NDST4: variants seen among roughly 807,000 people sequenced by gnomAD.
The protein encoded by NDST4 is N-deacetylase and N-sulfotransferase 4, also known as N-heparan sulfate sulfotransferase 4.
Under a neutral mutation model 100.8 loss-of-function variants are expected in NDST4, and 63 were observed. That is an observed-to-expected ratio of 0.62 (90% CI 0.51 to 0.77). NDST4 has a LOEUF of 0.77. Among genes scored for constraint, NDST4 ranks in the 30% least tolerant of loss-of-function variants. The pLI is 0.00. For missense variants in NDST4, 943 were observed against 1,018.4 expected (o/e 0.93, Z 1.01); for synonymous variants, 377 against 361.8 (o/e 1.04, Z -0.48).
Position 114,987,550 on chromosome 4 carries a change from C to G in NDST4, c.979-10276G>C, listed in dbSNP as rs77496204. 7.2e-3 allele frequency among the ~76,000 whole-genome samples: 1,093 copies of G among 152,174 alleles called. 11 individuals are homozygous for G. Among genetic ancestry groups the G allele is most frequent in the African/African-American group, 0.022 (931 of 41,498 alleles). ...GTGTAGGAAGAGATAAGTAGTGAAA[C>G]AGAAATCTTTACCACAGACAAGTGG... On this transcript the variant is annotated intron_variant, in intron 2 of 13. Coordinates refer to ENST00000264363, the MANE Select transcript of NDST4 (RefSeq NM_022569.3).
chr4:114,889,131 T>G (rs1724540147), intron 6 of NDST4, among the ~76,000 whole-genome samples: 1 of 152,172 alleles, frequency 6.6e-6, no homozygotes, highest in Non-Finnish European at 1.5e-5. Flanking sequence ...AACCAAATTT[T>G]TATATTTTAC....
intron 2 of NDST4, among the ~76,000 whole-genome samples, chr4:114,999,454 G>A (rs1206855713): frequency 6.6e-6 from 1 of 151,982 alleles, no homozygotes; most frequent in Admixed American, 6.6e-5. Flanking sequence ...GATTGATTCT[G>A]CTTGCACAGA....
intron 10 of NDST4, among the ~76,000 whole-genome samples, chr4:114,840,407 C>T (rs12640065): frequency 0.092 from 14,021 of 152,066 alleles, 999 homozygotes; most frequent in African/African-American, 0.19. Context: ...TAACCACTCT[C>T]TTCAAAGAAA....
In NDST4 at chr4:114,833,632, A is replaced by C; in HGVS notation, c.2370T>G (p.Pro790=). 1 of 1,611,896 alleles carries C rather than the reference A, an allele frequency of 6.2e-7. No homozygotes were observed. Among genetic ancestry groups the C allele is most frequent in the Non-Finnish European group, 8.5e-7 (1 of 1,178,210 alleles). The stretch of plus-strand genomic sequence containing the variant: ...TTAGTGCTTCAGAGTAATTATAACG[A>C]GGTGTAACTCCCAGAAACTTCTGGA... ...DEVQKFLGVT[P]RYNYSEALTF... Residue 790 remains proline (P), a synonymous_variant, in exon 12 of 14, where the codon CCT becomes CCG. Coordinates refer to ENST00000264363, the MANE Select transcript of NDST4 (RefSeq NM_022569.3).
chr4:115,105,196 G>T (rs564518327), intron 1 of NDST4, among the ~76,000 whole-genome samples: 4 of 152,124 alleles, frequency 2.6e-5, no homozygotes, highest in South Asian at 2.1e-4. Flanking sequence ...CTACAAAAAG[G>T]CATCATAATT....
chr4:115,022,406 T>TATATATATATGTGTTCC (rs1560570111), intron 2 of NDST4, among the ~76,000 whole-genome samples: 8 of 68,158 alleles, frequency 1.2e-4, no homozygotes, highest in South Asian at 8.6e-4. Flanking sequence ...ATGTGTTCCA[T>TATATATATATGTGTTCC]ATATATGTGT....
At chr4:115,036,233 A>G (rs1369564472) in intron 2 of NDST4, among the ~76,000 whole-genome samples, 1 of 151,602 alleles carries the variant, frequency 6.6e-6, no homozygotes, top group African/African-American at 2.4e-5. Flanking sequence ...TTCTTAATAC[A>G]GTATTGTCTG....
At chr4:114,912,472 G>A (rs1290372829) in intron 6 of NDST4, among the ~76,000 whole-genome samples, 1 of 152,126 alleles carries the variant, frequency 6.6e-6, no homozygotes, top group Non-Finnish European at 1.5e-5. Context: ...AATTTGAAAT[G>A]ATGCTTTCTG....
At chr4:114,929,088 C>T (rs1725449477) in intron 6 of NDST4, among the ~76,000 whole-genome samples, 1 of 117,738 alleles carries the variant, frequency 8.5e-6, no homozygotes, top group Admixed American at 8.8e-5. Context: ...ATCCATCCAT[C>T]CATCCATCCA....
chr4:114,844,904 C>T lies in NDST4; in HGVS notation c.2115+919G>A, dbSNP rs564682745. ...CACATCACTAAAAGATCTTTACATC[C>T]TTTTTTGTAATTATTGCCAAATGAG... is the stretch of plus-strand genomic sequence containing the variant. On this transcript the variant is annotated intron_variant, in intron 10 of 13. Transcript: ENST00000264363. 2.5e-3 allele frequency among the ~76,000 whole-genome samples: 376 copies of T among 152,282 alleles called. 7 individuals carry two copies. The highest frequency in any genetic ancestry group is 0.022 in the Admixed American group (342 of 15,292).
chr4:114,959,923 T>G (rs77636887), intron 4 of NDST4, among the ~76,000 whole-genome samples: 1,886 of 152,260 alleles, frequency 0.012, 42 homozygotes, highest in African/African-American at 0.042. Context: ...ATTATTAATT[T>G]ACACATATAA....
intron 2 of NDST4, among the ~76,000 whole-genome samples, chr4:115,068,591 G>A (rs1729001102): frequency 6.6e-6 from 1 of 150,456 alleles, no homozygotes; most frequent in Admixed American, 6.7e-5. Flanking sequence ...GGCAGATCAT[G>A]AGATCAGGAG....
At chr4:115,037,174 C>G (rs1471500) in intron 2 of NDST4, among the ~76,000 whole-genome samples, 20,335 of 151,648 alleles carry the variant, frequency 0.13, 1,740 homozygotes, top group East Asian at 0.42. Context: ...ATGATTCTTC[C>G]TGAAAGAAAA....
intron 2 of NDST4, among the ~76,000 whole-genome samples, chr4:115,075,839 T>C (rs1172484985): frequency 6.7e-6 from 1 of 148,214 alleles, no homozygotes; most frequent in Non-Finnish European, 1.5e-5. Context: ...CTTTGGGATA[T>C]TTTAATATTT....
chr4:115,053,920 T>C (rs906363122), intron 2 of NDST4, among the ~76,000 whole-genome samples: 1 of 152,066 alleles, frequency 6.6e-6, no homozygotes, highest in Non-Finnish European at 1.5e-5. Context: ...GGTTATTTTT[T>C]GTTTAGTAAT....
chr4:115,099,015 A>G (rs1276514499), intron 1 of NDST4, among the ~76,000 whole-genome samples: 1 of 152,310 alleles, frequency 6.6e-6, no homozygotes, highest in African/African-American at 2.4e-5. Flanking sequence ...GATGTCAAGT[A>G]TCTTTGACAA....
chr4:114,919,939 A>G (rs1177068170), intron 6 of NDST4, among the ~76,000 whole-genome samples: 1 of 152,162 alleles, frequency 6.6e-6, no homozygotes, highest in Non-Finnish European at 1.5e-5. Context: ...AGAACCTACT[A>G]TAGGTACACA....
intron 2 of NDST4, among the ~76,000 whole-genome samples, chr4:114,983,811 T>G (rs1423954658): frequency 6.6e-6 from 1 of 152,098 alleles, no homozygotes; most frequent in Non-Finnish European, 1.5e-5. Flanking sequence ...CAAATTGTAA[T>G]CCCCACATGT....
chr4:114,881,530 A>G (rs889951533), intron 6 of NDST4, among the ~76,000 whole-genome samples: 2 of 152,024 alleles, frequency 1.3e-5, no homozygotes, highest in Non-Finnish European at 2.9e-5. Context: ...CGAGCTAACA[A>G]GAGAGTATAG....
Sources: gnomAD v4.1 joint callset for allele counts (sites outside exome capture counted in the v4.1 genomes callset) on GRCh38, gnomAD v4.1.1 for gene constraint, MANE v1.5 for transcripts, NCBI Gene and HGNC (gene_info 2026-07-23, HGNC 2026-07-21) for gene names.